SHE: variants seen among roughly 807,000 people sequenced by gnomAD.
The protein encoded by SHE is SH2 domain-containing adapter protein E.
SHE carries 11 observed loss-of-function variants against 49.8 expected under a neutral mutation model. The observed-to-expected ratio is 0.22, with a 90% CI of 0.14 to 0.37. The LOEUF is 0.37. SHE is among the 10% of genes least tolerant of loss of function. The probability of loss-of-function intolerance (pLI) is 1.00; values close to 1 mark genes in which losing one functional copy is unlikely to be tolerated. For synonymous variants in SHE, 310 were observed against 278.1 expected, an observed-to-expected ratio of 1.11 and a Z score of -1.14; for missense variants, 624 against 655.5, an observed-to-expected ratio of 0.95 and a Z score of 0.52.
At position 154,499,255 on chromosome 1, in the gene SHE, G is replaced by A. The variant is rs757931472; in HGVS notation, c.592-17C>T. 6.2e-7 allele frequency: 1 copy of A among 1,609,624 alleles called. No homozygotes were observed. Among genetic ancestry groups the A allele is most frequent in the Non-Finnish European group, 8.5e-7 (1 of 1,177,436 alleles). On this transcript the variant is annotated splice_polypyrimidine_tract_variant and intron_variant, in intron 1 of 5. Coordinates refer to ENST00000304760, the MANE Select transcript of SHE (RefSeq NM_001010846.3). ...AATGATGACCTGAAAAAGAACAAGA[G>A]AGGACAGTTGCTAAGGGCCACCGTA... is the stretch of plus-strand genomic sequence containing the variant.
intron 2 of SHE, among the ~76,000 whole-genome samples, chr1:154,490,730 G>A (rs965664040): frequency 1.3e-5 from 2 of 151,906 alleles, no homozygotes; most frequent in Non-Finnish European, 2.9e-5. Context: ...CCAAGGTGTA[G>A]ACATTTTAAA....
Position 154,502,177 on chromosome 1 carries a change from G to T in SHE, c.-151C>A. On this transcript the variant is annotated 5_prime_UTR_variant, in exon 1 of 6. Coordinates refer to ENST00000304760, the MANE Select transcript of SHE (RefSeq NM_001010846.3). ...GGCGCTAGCCTCTGCTCCGGACACGGCAGGCGACAGGCACGACGCGCGGGG... is the reference window on the plus strand; with the variant it reads ...GGCGCTAGCCTCTGCTCCGGACACGTCAGGCGACAGGCACGACGCGCGGGG... 3.9e-6 allele frequency: 2 copies of T among 508,770 alleles called. No homozygotes were observed. The highest frequency in any genetic ancestry group is 5.6e-6 in the Non-Finnish European group (2 of 354,974). 31.5% of individuals were successfully genotyped at this position (508,770 alleles called of 1,614,324 possible).
rs770119615 is a variant in SHE, at chr1:154,499,195, C to T, written c.635G>A (p.Arg212Gln). The T allele has an allele frequency of 3.2e-5, 51 of 1,613,948 alleles. 1 individual carries two copies. Among genetic ancestry groups the T allele is most frequent in the South Asian group, 2.6e-4 (24 of 91,078 alleles). ...CTCTGCATCCCTTTGACCCTTTGTCCGTTTGGCATCATAAGGGTCAGCATA... is the reference window on the plus strand; with the variant it reads ...CTCTGCATCCCTTTGACCCTTTGTCTGTTTGGCATCATAAGGGTCAGCATA... Reference protein sequence around the residue: ...EDYADPYDAKRTKGQRDAERV... With the variant: ...EDYADPYDAKQTKGQRDAERV... The change falls in exon 2 of 6, where the codon CGG (arginine) becomes CAG (glutamine). Residue 212 changes from arginine to glutamine, a missense_variant. By Grantham distance (43) the Arg-to-Gln change is conservative. Transcript: ENST00000304760.
chr1:154,470,211 G>T, exon 2 of SHE: 1 of 812,182 alleles, frequency 1.2e-6, no homozygotes, highest in Non-Finnish European at 1.8e-6. Flanking sequence ...CACCCAGGTG[G>T]CCAGGCTGCG....
At chr1:154,501,399 C>T in intron 1 of SHE, 37 bp downstream of exon 1, 1 of 1,595,124 alleles carries the variant, frequency 6.3e-7, no homozygotes, top group Non-Finnish European at 8.6e-7. Context: ...GGCTCCCCTT[C>T]GACTGAGAGG....
rs1228137924 is a variant in SHE, at chr1:154,501,946, G to T, written c.81C>A (p.Leu27=). The T allele has an allele frequency of 6.9e-7, 1 of 1,458,158 alleles. No homozygotes were observed. The highest frequency in any genetic ancestry group is 1.4e-5 in the South Asian group (1 of 72,974). 90.3% of individuals were successfully genotyped at this position (1,458,158 alleles called of 1,614,324 possible). The change falls in exon 1 of 6, where the codon CTC becomes CTA. Residue 27 remains leucine (L), a synonymous_variant. Transcript: ENST00000304760. The part of the protein sequence containing the change: ...SSLACSTAPT[L]LGRAGRGPLM... Reference sequence around the variant, plus strand: ...GGGGGCCCCGGCCGGCTCGGCCCAGGAGCGTCGGGGCCGTGGAGCAGGCGA... The same window carrying T: ...GGGGGCCCCGGCCGGCTCGGCCCAGTAGCGTCGGGGCCGTGGAGCAGGCGA...
chr1:154,478,962 C>T (rs1017272072), downstream of SHE, among the ~76,000 whole-genome samples: 3 of 152,210 alleles, frequency 2.0e-5, no homozygotes, highest in African/African-American at 4.8e-5. Context: ...CAACAGTATG[C>T]CCTTCTAGGA....
At chr1:154,491,789 T>C (rs965113682) in intron 2 of SHE, among the ~76,000 whole-genome samples, 1 of 152,076 alleles carries the variant, frequency 6.6e-6, no homozygotes, top group Non-Finnish European at 1.5e-5. Flanking sequence ...AACAAATGGA[T>C]CGTTGTGAAT....
intron 2 of SHE, among the ~76,000 whole-genome samples, chr1:154,494,368 A>C (rs1053150718): frequency 5.4e-5 from 8 of 148,752 alleles, no homozygotes; most frequent in Non-Finnish European, 1.0e-4. Context: ...AAAGACAGAC[A>C]TAACAGTTTT....
intron 4 of SHE, 124 bp from the exon 5 acceptor site, chr1:154,486,186 A>C: frequency 7.6e-7 from 1 of 1,307,190 alleles, no homozygotes; most frequent in Non-Finnish European, 1.1e-6. Context: ...AGCCTGAACT[A>C]GATCCTGCTT....
chr1:154,492,258 C>G (rs1692390817), intron 2 of SHE, among the ~76,000 whole-genome samples: 1 of 152,146 alleles, frequency 6.6e-6, no homozygotes, highest in Admixed American at 6.5e-5. Flanking sequence ...CTTTAACCAC[C>G]AGAGGTTCAG....
chr1:154,472,792 C>T (rs767485212), intron 1 of SHE, among the ~76,000 whole-genome samples: 4 of 152,320 alleles, frequency 2.6e-5, no homozygotes, highest in East Asian at 1.9e-4. Flanking sequence ...CAAAGCAGTA[C>T]ACCAACTGGC....
In SHE at chr1:154,499,251, AAG is replaced by A. The variant is rs780805128; in HGVS notation, c.592-15_592-14del. ...CTAAAATGATGACCTGAAAAAGAACAAGAGAGGACAGTTGCTAAGGGCCACCG... is the reference window on the plus strand; with the variant it reads ...CTAAAATGATGACCTGAAAAAGAACAAGAGGACAGTTGCTAAGGGCCACCG... On this transcript the variant is annotated splice_polypyrimidine_tract_variant and intron_variant, in intron 1 of 5. Coordinates refer to ENST00000304760, the MANE Select transcript of SHE (RefSeq NM_001010846.3). 7.1e-5 allele frequency: 114 copies of A among 1,609,794 alleles called. No homozygotes were observed. The highest frequency in any genetic ancestry group is 8.9e-5 in the Non-Finnish European group (105 of 1,177,476).
intron 1 of SHE, among the ~76,000 whole-genome samples, chr1:154,472,878 C>G (rs1028846905): frequency 2.0e-5 from 3 of 152,154 alleles, no homozygotes; most frequent in African/African-American, 7.2e-5. Flanking sequence ...ATAATGGCTA[C>G]TGGCTGGGCG....
At chr1:154,489,424 A>G (rs918633769) in intron 2 of SHE, 68 bp from the exon 3 acceptor site, 5 of 1,549,460 alleles carry the variant, frequency 3.2e-6, no homozygotes, top group African/African-American at 1.4e-5. Context: ...AAGATGCCAT[A>G]AAAGCCTGGT....
At position 154,501,423 on chromosome 1, in the gene SHE, G is replaced by A. The variant is rs1570868098; in HGVS notation, c.591+13C>T. 19 of 1,612,418 alleles carry A rather than the reference G, an allele frequency of 1.2e-5. No homozygotes were observed. The highest frequency in any genetic ancestry group is 1.6e-5 in the Non-Finnish European group (19 of 1,178,718). ...TCGACTGAGAGGTGGTCCAAGGGAG[G>A]CTGTATTCTTACCGTCTCTTGCTGC... On this transcript the variant is annotated intron_variant, in intron 1 of 5. Coordinates refer to ENST00000304760, the MANE Select transcript of SHE (RefSeq NM_001010846.3).
intron 2 of SHE, among the ~76,000 whole-genome samples, chr1:154,489,823 A>C (rs1299224254): frequency 1.3e-5 from 2 of 152,218 alleles, no homozygotes; most frequent in African/African-American, 4.8e-5. Context: ...CATGTAACTT[A>C]CTCAGTATCA....
chr1:154,493,918 G>A (rs1297362480), intron 2 of SHE, among the ~76,000 whole-genome samples: 1 of 152,190 alleles, frequency 6.6e-6, no homozygotes, highest in East Asian at 1.9e-4. Flanking sequence ...ATTTTCACAG[G>A]TGAATACACG....
At chr1:154,476,329 GA>G, downstream of SHE, among the ~76,000 whole-genome samples, 1 of 152,198 alleles carries the variant, frequency 6.6e-6, no homozygotes, top group East Asian at 1.9e-4. Flanking sequence ...CTGGGAAACA[GA>G]GAAGACCCTG....
Sources: gnomAD v4.1 joint callset for allele counts (sites outside exome capture counted in the v4.1 genomes callset) on GRCh38, gnomAD v4.1.1 for gene constraint, MANE v1.5 for transcripts, NCBI Gene and HGNC (gene_info 2026-07-23, HGNC 2026-07-21) for gene names.